Variants in ADAM23 observed in about 807,000 individuals in gnomAD.
ADAM23 encodes the protein ADAM metallopeptidase domain 23, also known as disintegrin and metalloproteinase domain-containing protein 23.
A neutral mutation model predicts 120.1 loss-of-function variants in ADAM23; 33 were observed. The ratio of observed to expected loss-of-function variants is 0.27; its 90% CI spans 0.21 to 0.37. The LOEUF is 0.37. Ranked by LOEUF, ADAM23 falls within the 10% of genes least tolerant of loss-of-function variation. The pLI is 1.00. For missense variants in ADAM23, 862 were observed against 1,058.2 expected (o/e 0.81, Z 2.57); for synonymous variants, 367 against 375.2 (o/e 0.98, Z 0.25).
intron 24 of ADAM23, among the ~76,000 whole-genome samples, chr2:206,598,594 G>A (rs1698574590): frequency 6.6e-6 from 1 of 152,108 alleles, no homozygotes; most frequent in Admixed American, 6.6e-5. Context: ...AAAACTCAGA[G>A]GTGCTCAAGA....
chr2:206,528,417 G>T (rs1285090853), intron 3 of ADAM23, among the ~76,000 whole-genome samples: 1 of 152,204 alleles, frequency 6.6e-6, no homozygotes, highest in Non-Finnish European at 1.5e-5. Context: ...AGTTTCAAGT[G>T]TAGAATTATC....
intron 3 of ADAM23, among the ~76,000 whole-genome samples, chr2:206,525,035 G>A (rs1696915462): frequency 6.6e-6 from 1 of 152,154 alleles, no homozygotes; most frequent in South Asian, 2.1e-4. Flanking sequence ...ATATGCCCCA[G>A]TTTTCCCAGG....
intron 9 of ADAM23, among the ~76,000 whole-genome samples, chr2:206,553,905 C>T (rs1014370154): frequency 2.6e-5 from 4 of 152,068 alleles, no homozygotes; most frequent in Non-Finnish European, 5.9e-5. Context: ...TTCTCACCTT[C>T]GGGTTGAAAA....
intron 3 of ADAM23, among the ~76,000 whole-genome samples, chr2:206,486,040 A>C (rs1696005434): frequency 6.6e-6 from 1 of 152,182 alleles, no homozygotes; most frequent in Admixed American, 6.5e-5. Flanking sequence ...ATAGTGGGAG[A>C]ACGAGGAGAC....
At chr2:206,599,977 G>A (rs560220715) in intron 24 of ADAM23, among the ~76,000 whole-genome samples, 30 of 152,258 alleles carry the variant, frequency 2.0e-4, no homozygotes, top group South Asian at 1.0e-3. Context: ...CAAGGCGGGC[G>A]GATCACAAGG....
chr2:206,532,325 C>CTTT (rs755429602), intron 4 of ADAM23, among the ~76,000 whole-genome samples: 3 of 142,130 alleles, frequency 2.1e-5, no homozygotes, highest in South Asian at 4.6e-4. Flanking sequence ...CACTTAGTTA[C>CTTT]TTTTTTTTTT....
Position 206,619,688 on chromosome 2 carries a change from G to C in ADAM23, c.*2061G>C, listed in dbSNP as rs1266284801. On this transcript the variant is annotated 3_prime_UTR_variant, in exon 26 of 26. Coordinates refer to ENST00000264377, the MANE Select transcript of ADAM23 (RefSeq NM_003812.4). ...TAAAAATGCACTGCTTAACACAGTG[G>C]GGTTTTTTTCCCCCGAGGTGTCTTT... The C allele has an allele frequency of 2.0e-5, 3 of 152,088 alleles. No individual in the cohort carries two copies. Among genetic ancestry groups the C allele is most frequent in the African/African-American group, 7.2e-5 (3 of 41,420 alleles). The allele number at this position is 152,088 out of a possible 1,614,324, so 9.4% of individuals were successfully genotyped here. A position where few individuals can be genotyped will look rare whatever the true frequency, so the allele number is the denominator to read the frequency against.
chr2:206,544,399 G>A (rs1697352887), intron 6 of ADAM23, among the ~76,000 whole-genome samples: 1 of 152,092 alleles, frequency 6.6e-6, no homozygotes, highest in African/African-American at 2.4e-5. Context: ...CATATATTCA[G>A]TAAATATTGT....
At chr2:206,530,303 C>A (rs1251471727) in intron 3 of ADAM23, among the ~76,000 whole-genome samples, 1 of 152,180 alleles carries the variant, frequency 6.6e-6, no homozygotes. Context: ...TAGTGGAGCC[C>A]GCATGGCCCA....
At position 206,443,813 on chromosome 2, in the gene ADAM23, G is replaced by A. The variant is rs1384521217; in HGVS notation, c.-54G>A. ...CGGCTCCGCCCGCGGCCGCCCCGCA[G>A]CTAGCCCGGCGCTCTCGCCGGCCAC... is the stretch of plus-strand genomic sequence containing the variant. On this transcript the variant is annotated 5_prime_UTR_variant, in exon 1 of 26. Coordinates refer to ENST00000264377, the MANE Select transcript of ADAM23 (RefSeq NM_003812.4). 4.0e-6 allele frequency: 4 copies of A among 1,011,398 alleles called. No homozygotes were observed. Among genetic ancestry groups the A allele is most frequent in the African/African-American group, 3.5e-5 (2 of 57,360 alleles). 62.7% of individuals were successfully genotyped at this position (1,011,398 alleles called of 1,614,324 possible).
intron 3 of ADAM23, among the ~76,000 whole-genome samples, chr2:206,528,092 A>G (rs369179047): frequency 2.0e-5 from 3 of 152,174 alleles, no homozygotes; most frequent in Admixed American, 1.3e-4. Flanking sequence ...GTTGTTTCCA[A>G]CTCTTAGATG....
intron 12 of ADAM23, among the ~76,000 whole-genome samples, chr2:206,561,982 G>A (rs933239676): frequency 7.9e-5 from 12 of 152,168 alleles, no homozygotes; most frequent in Admixed American, 1.3e-4. Flanking sequence ...ATGTTTCAAT[G>A]TGAGAGCTTC....
At chr2:206,564,798 T>C (rs1387622628) in intron 13 of ADAM23, among the ~76,000 whole-genome samples, 3 of 152,204 alleles carry the variant, frequency 2.0e-5, no homozygotes, top group African/African-American at 7.2e-5. Flanking sequence ...CAATATTACT[T>C]CTTGCCAGCT....
At chr2:206,449,444 A>C (rs1188441572) in intron 2 of ADAM23, among the ~76,000 whole-genome samples, 5 of 152,200 alleles carry the variant, frequency 3.3e-5, no homozygotes, top group Non-Finnish European at 7.3e-5. Flanking sequence ...TAGGAGAGTT[A>C]AGGAAGCTTT....
intron 4 of ADAM23, among the ~76,000 whole-genome samples, chr2:206,536,358 G>C (rs1413095712): frequency 7.1e-6 from 1 of 140,260 alleles, no homozygotes; most frequent in Non-Finnish European, 1.5e-5. Context: ...GTTCGCCATT[G>C]AAAGTAATGT....
intron 2 of ADAM23, among the ~76,000 whole-genome samples, chr2:206,454,122 A>G (rs1326711000): frequency 2.0e-5 from 3 of 152,256 alleles, no homozygotes; most frequent in Non-Finnish European, 2.9e-5. Context: ...TCACACTGCT[A>G]TAAAGAACTA....
At chr2:206,554,295 A>C (rs1281163536) in intron 9 of ADAM23, among the ~76,000 whole-genome samples, 1 of 152,196 alleles carries the variant, frequency 6.6e-6, no homozygotes, top group African/African-American at 2.4e-5. Context: ...GTGGAACCTC[A>C]TTTGCAAGCC....
At chr2:206,500,431 G>A (rs998044826) in intron 3 of ADAM23, among the ~76,000 whole-genome samples, 14 of 152,052 alleles carry the variant, frequency 9.2e-5, no homozygotes, top group Non-Finnish European at 5.9e-5. Flanking sequence ...ATGAAAAATC[G>A]GTGCTCAAAA....
Position 206,445,557 on chromosome 2 carries a change from A to G in ADAM23, c.432+33A>G, listed in dbSNP as rs142621665. On this transcript the variant is annotated intron_variant, in intron 2 of 25. Coordinates refer to ENST00000264377, the MANE Select transcript of ADAM23 (RefSeq NM_003812.4). ...GGAGGCTGGCTATGCAAAAGTAACT[A>G]TCATGAAGAGTTTTCCTTTGATTTG... 7 of 1,544,954 alleles carry G rather than the reference A, an allele frequency of 4.5e-6. No homozygotes were observed. The East Asian group carries it at 9.0e-5, about 20-fold the overall frequency.
Sources: gnomAD v4.1 joint callset for allele counts (sites outside exome capture counted in the v4.1 genomes callset) on GRCh38, gnomAD v4.1.1 for gene constraint, MANE v1.5 for transcripts, NCBI Gene and HGNC (gene_info 2026-07-23, HGNC 2026-07-21) for gene names.